Variants in MYOF observed in about 807,000 individuals in gnomAD.
The protein encoded by MYOF is fer-1-like 3, myoferlin.
Under a neutral mutation model 284.2 loss-of-function variants are expected in MYOF, and 244 were observed. The ratio of observed to expected loss-of-function variants is 0.86; its 90% confidence interval spans 0.77 to 0.95. MYOF has a LOEUF of 0.95. Ranked by LOEUF, MYOF falls within the 40% of genes least tolerant of loss-of-function variation. The probability of loss-of-function intolerance (pLI) is 0.00; values close to 1 mark genes in which losing one functional copy is unlikely to be tolerated. For synonymous variants in MYOF, 904 were observed against 919.7 expected (o/e 0.98, Z 0.31); for missense variants, 2,496 against 2,560.6 (o/e 0.97, Z 0.54).
intron 5 of MYOF, among the ~76,000 whole-genome samples, chr10:93,416,498 C>T (rs551646058): frequency 1.8e-4 from 27 of 151,654 alleles, no homozygotes; most frequent in Non-Finnish European, 3.2e-4. Flanking sequence ...ACTCCAGCCT[C>T]GGCAACAGAG....
intron 42 of MYOF, among the ~76,000 whole-genome samples, 162 bp from the exon 43 acceptor site, chr10:93,333,474 G>A (rs1279309390): frequency 6.6e-6 from 1 of 151,652 alleles, no homozygotes; most frequent in African/African-American, 2.4e-5. Context: ...TCTCCTTTGG[G>A]TGGCATGCAG....
At chr10:93,320,680 GGAATGAAT>G (rs929507224) in intron 48 of MYOF, among the ~76,000 whole-genome samples, 2 of 152,012 alleles carry the variant, frequency 1.3e-5, no homozygotes, top group East Asian at 1.9e-4. Flanking sequence ...ACCTACTGAA[GGAATGAAT>G]GAATGAATGA....
At chr10:93,426,194 G>T in intron 4 of MYOF, 36 bp from the exon 5 acceptor site, 4 of 1,544,568 alleles carry the variant, frequency 2.6e-6, no homozygotes, top group Non-Finnish European at 3.5e-6. Flanking sequence ...TATTATCAGT[G>T]CAGGGCACCA....
intron 32 of MYOF, among the ~76,000 whole-genome samples, 189 bp from the exon 33 acceptor site, chr10:93,352,035 G>A (rs530007268): frequency 4.9e-4 from 74 of 152,302 alleles, no homozygotes; most frequent in Middle Eastern, 3.4e-3. Flanking sequence ...AGAGGCACCT[G>A]AAGCGAGACC....
intron 9 of MYOF, among the ~76,000 whole-genome samples, chr10:93,403,281 C>T (rs1415024838): frequency 9.2e-5 from 14 of 152,340 alleles, no homozygotes; most frequent in Non-Finnish European, 1.3e-4. Flanking sequence ...TCCTTCTCCT[C>T]CAGCTAATGC....
At chr10:93,360,097 C>T (rs1844998258) in intron 28 of MYOF, 119 bp from the exon 29 acceptor site, 18 of 1,214,668 alleles carry the variant, frequency 1.5e-5, no homozygotes, top group Admixed American at 4.0e-5. Flanking sequence ...CTATCATGAC[C>T]GAATATGTGG....
chr10:93,351,830 G>T lies in MYOF; in HGVS notation c.3498C>A (p.Ile1166=), dbSNP rs376843240. ...TGGTTTTGCTCCGATGGAGGAAACA[G>T]ATATGAGCATATGGATCTAAAACAG... ...KDSFSDPYAH[I]CFLHRSKTTE... Residue 1166 remains isoleucine (I), a synonymous_variant, in exon 33 of 54, where the codon ATC becomes ATA. Transcript: ENST00000359263. 6.3e-7 allele frequency: 1 copy of T among 1,586,794 alleles called. No homozygotes were observed. The highest frequency in any genetic ancestry group is 1.2e-5 in the South Asian group (1 of 85,644).
chr10:93,361,416 C>T, intron 28 of MYOF, 36 bp downstream of exon 28: 1 of 1,597,216 alleles, frequency 6.3e-7, no homozygotes, highest in Non-Finnish European at 8.6e-7. Context: ...GGCCCTGCTG[C>T]AGAGCCCCAA....
At chr10:93,423,394 G>A (rs529337545) in intron 5 of MYOF, among the ~76,000 whole-genome samples, 8 of 151,566 alleles carry the variant, frequency 5.3e-5, no homozygotes, top group South Asian at 4.2e-4. Flanking sequence ...GGGTGTGGTC[G>A]CGGGCGCCTG....
chr10:93,393,486 G>A (rs915452926), intron 16 of MYOF, among the ~76,000 whole-genome samples: 1 of 152,184 alleles, frequency 6.6e-6, no homozygotes, highest in Non-Finnish European at 1.5e-5. Context: ...TGCAATGAGA[G>A]GCCCCAGAGA....
chr10:93,316,489 G>A (rs1334583716), intron 50 of MYOF, among the ~76,000 whole-genome samples: 1 of 152,010 alleles, frequency 6.6e-6, no homozygotes, highest in Non-Finnish European at 1.5e-5. Context: ...AGACAGACAG[G>A]AGCTGGTGCA....
intron 3 of MYOF, among the ~76,000 whole-genome samples, chr10:93,442,796 T>A (rs896567121): frequency 5.3e-5 from 8 of 152,206 alleles, no homozygotes; most frequent in East Asian, 1.9e-4. Context: ...TTAATTTTTT[T>A]AAATTATCTT....
At chr10:93,307,098 C>T (rs180878453) in intron 53 of MYOF, 97 bp from the exon 54 acceptor site, 310 of 1,146,856 alleles carry the variant, frequency 2.7e-4, no homozygotes, top group Middle Eastern at 9.6e-4. Context: ...ACATTTTGAA[C>T]CAGATGATTC....
chr10:93,456,811 T>C, intron 2 of MYOF, 71 bp downstream of exon 2: 1 of 1,153,806 alleles, frequency 8.7e-7, no homozygotes, highest in South Asian at 1.3e-5. Flanking sequence ...AGAGGTAACC[T>C]CTCACCCAAA....
chr10:93,466,167 G>A (rs1427848793), intron 1 of MYOF, among the ~76,000 whole-genome samples: 1 of 152,154 alleles, frequency 6.6e-6, no homozygotes, highest in Non-Finnish European at 1.5e-5. Context: ...AGGGACACAG[G>A]GCCCATCAGG....
chr10:93,323,613 G>A (rs1184287176), intron 46 of MYOF: 2 of 480,296 alleles, frequency 4.2e-6, no homozygotes, highest in Non-Finnish European at 7.4e-6. Context: ...ATCATAGTCT[G>A]GGTCTCGCCT....
intron 40 of MYOF, 65 bp from the exon 41 acceptor site, chr10:93,336,111 G>A (rs1026047941): frequency 1.9e-6 from 3 of 1,559,956 alleles, no homozygotes; most frequent in Non-Finnish European, 2.6e-6. Context: ...AATCAAAAGG[G>A]CTGACAGTAT....
At chr10:93,468,073 T>C (rs1589614857) in intron 1 of MYOF, among the ~76,000 whole-genome samples, 2 of 152,202 alleles carry the variant, frequency 1.3e-5, no homozygotes, top group East Asian at 3.8e-4. Context: ...GCTTTGTAAA[T>C]GTTACCTATT....
chr10:93,330,734 C>T (rs1843259590), intron 43 of MYOF, among the ~76,000 whole-genome samples: 1 of 152,194 alleles, frequency 6.6e-6, no homozygotes, highest in African/African-American at 2.4e-5. Context: ...TCAATATGTT[C>T]TATTGAAGGA....
Sources: allele counts gnomAD v4.1 joint callset (sites outside exome capture counted in the v4.1 genomes callset), GRCh38; gene constraint gnomAD v4.1.1; transcripts MANE v1.5; gene names NCBI Gene and HGNC (gene_info 2026-07-23, HGNC 2026-07-21).